MCF2L2: variants seen among roughly 807,000 people sequenced by gnomAD.
MCF2L2 encodes the protein MCF.2 cell line derived transforming sequence-like 2.
MCF2L2 carries 102 observed loss-of-function variants against 150.2 expected under a neutral mutation model. That is an observed-to-expected ratio of 0.68 (90% CI 0.58 to 0.80). The LOEUF is 0.80. Ranked by LOEUF, MCF2L2 falls within the 30% of genes least tolerant of loss-of-function variation. The pLI is 0.00. For synonymous variants in MCF2L2, 465 were observed against 491.3 expected (o/e 0.95, Z 0.71); for missense variants, 1,256 against 1,372.8 (o/e 0.91, Z 1.34).
chr3:183,397,199 C>T (rs1055907368), intron 1 of MCF2L2, among the ~76,000 whole-genome samples: 9 of 152,212 alleles, frequency 5.9e-5, no homozygotes, highest in South Asian at 2.1e-4. Flanking sequence ...AAAATACCTT[C>T]GACTGGGTAA....
chr3:183,252,291 T>C (rs1033737797), intron 15 of MCF2L2, among the ~76,000 whole-genome samples: 1 of 152,150 alleles, frequency 6.6e-6, no homozygotes, highest in African/African-American at 2.4e-5. Flanking sequence ...TCAGCTTATT[T>C]GTGGGTCACT....
chr3:183,320,625 G>A (rs1287840949), intron 6 of MCF2L2, among the ~76,000 whole-genome samples: 3 of 152,178 alleles, frequency 2.0e-5, no homozygotes, highest in Non-Finnish European at 4.4e-5. Flanking sequence ...TTAAGGAAAT[G>A]TTGTGGGTGG....
At chr3:183,374,649 C>T (rs1713084995) in intron 3 of MCF2L2, 1 of 132,612 alleles carries the variant, frequency 7.5e-6, no homozygotes, top group South Asian at 2.3e-4. Context: ...GTCTGGGCGA[C>T]AAGCACGAAA....
At chr3:183,392,429 G>C (rs904289757) in intron 1 of MCF2L2, among the ~76,000 whole-genome samples, 1 of 151,930 alleles carries the variant, frequency 6.6e-6, no homozygotes, top group Non-Finnish European at 1.5e-5. Flanking sequence ...TCTGAGGTTT[G>C]CCCATCCCCC....
At chr3:183,244,448 T>C (rs544762894) in intron 15 of MCF2L2, among the ~76,000 whole-genome samples, 35 of 152,318 alleles carry the variant, frequency 2.3e-4, no homozygotes, top group African/African-American at 7.9e-4. Context: ...CAGATGCCTA[T>C]TGTGGGACTT....
intron 3 of MCF2L2, among the ~76,000 whole-genome samples, chr3:183,358,931 TAAGAA>T (rs1711956507): frequency 6.6e-6 from 1 of 151,828 alleles, no homozygotes; most frequent in Non-Finnish European, 1.5e-5. Context: ...CCCAGAAATA[TAAGAA>T]AAGATAACAT....
chr3:183,411,630 T>TA (rs1715321434), intron 1 of MCF2L2, among the ~76,000 whole-genome samples: 2 of 151,868 alleles, frequency 1.3e-5, no homozygotes, highest in African/African-American at 4.8e-5. Context: ...TTTTTTTTTT[T>TA]AATAGGGAAC....
intron 15 of MCF2L2, chr3:183,269,773 C>A: frequency 1.3e-6 from 2 of 1,573,300 alleles, no homozygotes; most frequent in South Asian, 1.2e-5. Flanking sequence ...AAAACTGATC[C>A]TAACTAAAAA....
intron 1 of MCF2L2, among the ~76,000 whole-genome samples, chr3:183,406,112 C>T (rs184549009): frequency 2.8e-4 from 43 of 152,232 alleles, no homozygotes; most frequent in Admixed American, 1.6e-3. Flanking sequence ...TCTTGGGTTG[C>T]GATTACTGAG....
chr3:183,352,340 T>C (rs1711531491), intron 3 of MCF2L2, among the ~76,000 whole-genome samples: 1 of 151,936 alleles, frequency 6.6e-6, no homozygotes, highest in African/African-American at 2.4e-5. Context: ...CTGGCCAACA[T>C]GGCAAAACCC....
At chr3:183,289,578 G>A (rs1002833320) in intron 13 of MCF2L2, among the ~76,000 whole-genome samples, 1 of 152,208 alleles carries the variant, frequency 6.6e-6, no homozygotes, top group Non-Finnish European at 1.5e-5. Context: ...ACTTTTGGCT[G>A]GGTTTGGTGG....
chr3:183,313,232 A>AACACACACACACACACAC (rs111694523), intron 7 of MCF2L2, among the ~76,000 whole-genome samples: 3 of 149,304 alleles, frequency 2.0e-5, no homozygotes, highest in Admixed American at 6.7e-5. Context: ...AGCTTCCAGC[A>AACACACACACACACACAC]ACACACACAC....
intron 23 of MCF2L2, 59 bp from the exon 24 acceptor site, chr3:183,206,273 C>A (rs1371048857): frequency 1.7e-6 from 2 of 1,182,422 alleles, no homozygotes; most frequent in Non-Finnish European, 2.5e-6. Flanking sequence ...TTAAAATAGT[C>A]CCTGTCAATC....
chr3:183,211,852 T>C (rs1486781170), intron 22 of MCF2L2, among the ~76,000 whole-genome samples: 1 of 152,142 alleles, frequency 6.6e-6, no homozygotes, highest in Non-Finnish European at 1.5e-5. Flanking sequence ...AGGAGTTCAT[T>C]CAGCGACGCC....
chr3:183,316,083 C>T (rs1303672677), intron 7 of MCF2L2, among the ~76,000 whole-genome samples: 1 of 152,192 alleles, frequency 6.6e-6, no homozygotes, highest in Non-Finnish European at 1.5e-5. Flanking sequence ...TCTGCAGACT[C>T]CTTTTGGTCA....
intron 5 of MCF2L2, among the ~76,000 whole-genome samples, chr3:183,327,028 T>TA (rs1730071724): frequency 6.6e-6 from 1 of 151,912 alleles, no homozygotes; most frequent in African/African-American, 2.4e-5. Flanking sequence ...TCACTAGTAT[T>TA]AAAAAATAAA....
At chr3:183,278,021 C>T (rs981820659) in intron 14 of MCF2L2, among the ~76,000 whole-genome samples, 1 of 149,820 alleles carries the variant, frequency 6.7e-6, no homozygotes, top group Admixed American at 6.6e-5. Context: ...CCCATCTCTA[C>T]TAAAAATACA....
intron 3 of MCF2L2, among the ~76,000 whole-genome samples, chr3:183,350,701 G>A (rs1731077990): frequency 6.6e-6 from 1 of 152,202 alleles, no homozygotes; most frequent in African/African-American, 2.4e-5. Flanking sequence ...TCAGGAGATC[G>A]AGACCATCCT....
At chr3:183,307,966 G>C (rs1412980602) in intron 10 of MCF2L2, among the ~76,000 whole-genome samples, 2 of 152,214 alleles carry the variant, frequency 1.3e-5, no homozygotes, top group African/African-American at 2.4e-5. Flanking sequence ...GTCTTTGCAT[G>C]ATTACACAGA....
Sources: gnomAD v4.1 joint callset for allele counts (sites outside exome capture counted in the v4.1 genomes callset) on GRCh38, gnomAD v4.1.1 for gene constraint, MANE v1.5 for transcripts, NCBI Gene and HGNC (gene_info 2026-07-23, HGNC 2026-07-21) for gene names.